GABBR2: variants seen among roughly 807,000 people sequenced by gnomAD.
GABBR2 encodes gamma-aminobutyric acid type B receptor subunit 2, also known as G-protein coupled receptor 51.
Under a neutral mutation model 105.6 loss-of-function variants are expected in GABBR2, and 23 were observed. The ratio of observed to expected loss-of-function variants is 0.22; its 90% CI spans 0.16 to 0.31. The LOEUF is 0.31. Ranked by LOEUF, GABBR2 falls within the 10% of genes least tolerant of loss-of-function variation. GABBR2 has a pLI of 1.00. For synonymous variants in GABBR2, 478 were observed against 499.7 expected, an observed-to-expected ratio of 0.96 and a Z score of 0.58; for missense variants, 734 against 1,245.5, an observed-to-expected ratio of 0.59 and a Z score of 6.18.
chr9:98,643,930 T>C lies in GABBR2; in HGVS notation c.321+64487A>G, dbSNP rs117174052. On this transcript the variant is annotated intron_variant, in intron 1 of 18. Transcript: ENST00000259455. ...CAAGGGAGCCAAGTCCTGGTGACAC[T>C]GCCTAAGCCTCCGGGGGCTAGCCTT... Among the ~76,000 whole-genome samples the C allele has an allele frequency of 2.6e-3, 390 of 152,334 alleles. 12 individuals are homozygous for C. In the East Asian group the frequency reaches 0.066, roughly 26 times the overall value.
At chr9:98,609,796 G>T (rs750919366) in intron 1 of GABBR2, among the ~76,000 whole-genome samples, 14 of 152,152 alleles carry the variant, frequency 9.2e-5, no homozygotes, top group Non-Finnish European at 2.1e-4. Flanking sequence ...GTGATGCCCC[G>T]TCTGCTACCC....
intron 7 of GABBR2, among the ~76,000 whole-genome samples, chr9:98,426,593 C>T (rs1200497803): frequency 6.6e-6 from 1 of 152,182 alleles, no homozygotes; most frequent in Non-Finnish European, 1.5e-5. Flanking sequence ...CCTTTTGGCT[C>T]AACTCCCCAA....
At chr9:98,699,008 C>A (rs960059497) in intron 1 of GABBR2, among the ~76,000 whole-genome samples, 1 of 152,050 alleles carries the variant, frequency 6.6e-6, no homozygotes, top group Non-Finnish European at 1.5e-5. Flanking sequence ...TCACTATGCC[C>A]AGATCTGCAC....
chr9:98,622,977 T>C (rs1227978634), intron 1 of GABBR2, among the ~76,000 whole-genome samples: 2 of 152,134 alleles, frequency 1.3e-5, no homozygotes, highest in Non-Finnish European at 2.9e-5. Context: ...TCAATGTCGG[T>C]TCATCGACTG....
intron 3 of GABBR2, among the ~76,000 whole-genome samples, chr9:98,539,967 C>T (rs1400536555): frequency 6.6e-6 from 1 of 151,590 alleles, no homozygotes; most frequent in Non-Finnish European, 1.5e-5. Flanking sequence ...GCAAGTCTCT[C>T]TAAATCCTAG....
intron 13 of GABBR2, among the ~76,000 whole-genome samples, chr9:98,359,045 A>T (rs1032981461): frequency 6.6e-6 from 1 of 152,150 alleles, no homozygotes; most frequent in African/African-American, 2.4e-5. Context: ...ACCTCACAGG[A>T]TTATTATAAA....
chr9:98,525,966 T>C (rs952644440), intron 3 of GABBR2, among the ~76,000 whole-genome samples: 1 of 152,210 alleles, frequency 6.6e-6, no homozygotes, highest in African/African-American at 2.4e-5. Context: ...GGCAAATCTA[T>C]AGAGACAGAA....
At chr9:98,431,998 T>A (rs1300655110) in intron 7 of GABBR2, among the ~76,000 whole-genome samples, 3 of 151,966 alleles carry the variant, frequency 2.0e-5, no homozygotes, top group African/African-American at 7.3e-5. Context: ...TGGGTTCAAG[T>A]GATTCTTGTG....
chr9:98,445,303 A>ATTTTGC (rs1826106730), intron 7 of GABBR2, among the ~76,000 whole-genome samples: 1 of 152,180 alleles, frequency 6.6e-6, no homozygotes, highest in African/African-American at 2.4e-5. Flanking sequence ...GTGCATGCAA[A>ATTTTGC]ATGCACCAGG....
At chr9:98,439,557 C>T (rs947567275) in intron 7 of GABBR2, among the ~76,000 whole-genome samples, 8 of 152,162 alleles carry the variant, frequency 5.3e-5, no homozygotes, top group Admixed American at 1.3e-4. Flanking sequence ...TCCTGGAATA[C>T]GTTGATACAT....
chr9:98,673,259 G>A (rs919894208), intron 1 of GABBR2, among the ~76,000 whole-genome samples: 16 of 152,184 alleles, frequency 1.1e-4, no homozygotes, highest in African/African-American at 3.6e-4. Flanking sequence ...TAAGGTTTAT[G>A]TACAGCCACA....
intron 1 of GABBR2, among the ~76,000 whole-genome samples, chr9:98,593,834 C>T (rs1421515551): frequency 1.3e-5 from 2 of 152,186 alleles, no homozygotes; most frequent in Non-Finnish European, 2.9e-5. Flanking sequence ...CCCATGCTCC[C>T]TCTGCAGCGA....
intron 2 of GABBR2, among the ~76,000 whole-genome samples, chr9:98,561,600 G>T (rs190016821): frequency 1.9e-3 from 284 of 152,306 alleles, no homozygotes; most frequent in African/African-American, 6.4e-3. Context: ...TAGAAAATGA[G>T]GTTGGGTGCA....
intron 1 of GABBR2, among the ~76,000 whole-genome samples, chr9:98,700,006 A>G (rs577388063): frequency 1.1e-4 from 17 of 152,302 alleles, no homozygotes; most frequent in Middle Eastern, 3.4e-3. Context: ...TTTACTCCCA[A>G]ACAACATGGA....
At chr9:98,625,398 C>T (rs936971953) in intron 1 of GABBR2, among the ~76,000 whole-genome samples, 13 of 152,232 alleles carry the variant, frequency 8.5e-5, no homozygotes, top group Admixed American at 7.2e-4. Flanking sequence ...CCAGCGTGGC[C>T]CAGGCCCCTG....
At chr9:98,409,121 T>C (rs1375715355) in intron 7 of GABBR2, among the ~76,000 whole-genome samples, 1 of 152,220 alleles carries the variant, frequency 6.6e-6, no homozygotes, top group Admixed American at 6.5e-5. Context: ...AAGGCCAGCA[T>C]GGCCGGAACA....
chr9:98,685,409 T>C (rs1830607939), intron 1 of GABBR2, among the ~76,000 whole-genome samples: 1 of 152,210 alleles, frequency 6.6e-6, no homozygotes, highest in African/African-American at 2.4e-5. Flanking sequence ...GAGTCAATAG[T>C]CCTTAATAAA....
At chr9:98,617,355 T>G (rs1274601964) in intron 1 of GABBR2, among the ~76,000 whole-genome samples, 3 of 151,830 alleles carry the variant, frequency 2.0e-5, no homozygotes, top group Non-Finnish European at 4.4e-5. Context: ...CATGAGAAGT[T>G]AAGGGAGAGA....
intron 1 of GABBR2, among the ~76,000 whole-genome samples, chr9:98,587,394 A>G (rs76651577): frequency 0.029 from 4,396 of 152,286 alleles, 77 homozygotes; most frequent in East Asian, 0.057. Flanking sequence ...GTCAGTAAAA[A>G]CTACTAAATC....
Sources: gnomAD v4.1 joint callset for allele counts (sites outside exome capture counted in the v4.1 genomes callset) on GRCh38, gnomAD v4.1.1 for gene constraint, MANE v1.5 for transcripts, NCBI Gene and HGNC (gene_info 2026-07-23, HGNC 2026-07-21) for gene names.